SEC14L6: variants seen among roughly 807,000 people sequenced by gnomAD.
SEC14L6 encodes SEC14 like lipid binding 6, also known as SEC14-like protein 6.
In SEC14L6, 40 loss-of-function variants were observed where a neutral mutation model predicts 54.1. The observed-to-expected ratio is 0.74, with a 90% CI of 0.57 to 0.96. The LOEUF (loss-of-function observed/expected upper bound fraction) is 0.96. SEC14L6 is among the 40% of genes least tolerant of loss of function. The pLI is 0.00. For synonymous variants in SEC14L6, 171 were observed against 198.4 expected (o/e 0.86, Z 1.16); for missense variants, 471 against 498.3 (o/e 0.95, Z 0.52).
At chr22:30,535,692 C>G (rs1384856637) in intron 2 of SEC14L6, among the ~76,000 whole-genome samples, 1 of 152,076 alleles carries the variant, frequency 6.6e-6, no homozygotes. Flanking sequence ...ACCCTGTTGG[C>G]TACTATGTCA....
At chr22:30,544,930 A>T (rs1568977536) in intron 1 of SEC14L6, among the ~76,000 whole-genome samples, 1 of 152,078 alleles carries the variant, frequency 6.6e-6, no homozygotes, top group Non-Finnish European at 1.5e-5. Context: ...AACAACAACA[A>T]CGTGAAAAAA....
chr22:30,545,892 A>G (rs746222044), intron 1 of SEC14L6, among the ~76,000 whole-genome samples: 10 of 151,944 alleles, frequency 6.6e-5, no homozygotes, highest in Non-Finnish European at 1.0e-4. Context: ...GTGCAGTGGC[A>G]GAATCTTGGC....
chr22:30,545,457 C>T (rs982618958), intron 1 of SEC14L6, among the ~76,000 whole-genome samples: 4 of 150,844 alleles, frequency 2.7e-5, no homozygotes, highest in African/African-American at 4.9e-5. Context: ...TGCAGTGGCA[C>T]GATGTTGGCT....
rs142928873 is a variant in SEC14L6 at position 30,543,395 on chromosome 22, C to T, written c.54+3234G>A. On this transcript the variant is annotated intron_variant, in intron 1 of 11. Coordinates refer to ENST00000402034, the MANE Select transcript of SEC14L6 (RefSeq NM_001193336.4). The stretch of plus-strand genomic sequence containing the variant: ...CAGGTGAATATCACCTGCCAGGTGA[C>T]GAAATTCTACCCCCAGAGACTACAG... 1.7e-4 allele frequency: 277 copies of T among 1,597,390 alleles called. 2 individuals carry two copies. The African/African-American group carries it at 2.4e-3, about 14-fold the overall frequency.
Position 30,525,489 on chromosome 22 carries a change from A to C in SEC14L6, c.942T>G (p.Ile314Met). ...TGGTCTTCAGGAAAACCCCAAAGCC[A>C]ATGTCCCCACCATCTGAAGCAAACT... ...RWQFASDGGD[I>M]GFGVFLKTKM... The change falls in exon 11 of 12, where the codon ATT becomes ATG. Residue 314 changes from isoleucine (I) to methionine (M), a missense_variant. Transcript: ENST00000402034. 6.2e-7 allele frequency: 1 copy of C among 1,613,978 alleles called. No individual in the cohort carries two copies. Among genetic ancestry groups the C allele is most frequent in the Non-Finnish European group, 8.5e-7 (1 of 1,179,970 alleles).
chr22:30,532,964 T>C, intron 3 of SEC14L6, 108 bp from the exon 4 acceptor site: 1 of 1,523,078 alleles, frequency 6.6e-7, no homozygotes, highest in South Asian at 1.3e-5. Flanking sequence ...ACTAAGGGCC[T>C]GCCAGAGCAT....
chr22:30,530,520 C>T (rs762530250), intron 6 of SEC14L6, among the ~76,000 whole-genome samples: 2 of 152,192 alleles, frequency 1.3e-5, no homozygotes, highest in Non-Finnish European at 2.9e-5. Flanking sequence ...CCCACCTTAG[C>T]CTCCCAAGTA....
At chr22:30,544,953 C>A (rs1047907332) in intron 1 of SEC14L6, among the ~76,000 whole-genome samples, 1 of 152,144 alleles carries the variant, frequency 6.6e-6, no homozygotes, top group African/African-American at 2.4e-5. Flanking sequence ...AAAGTCCACT[C>A]CAGCGCCCGG....
In SEC14L6 at chr22:30,524,134, T is replaced by TTACCCTGCC; in HGVS notation, c.*854_*862dup. The stretch of plus-strand genomic sequence containing the variant: ...TCAAACTAGCAAATCTCAAGCCTGC[T>TTACCCTGCC]TACCCTGCCTCACCAGTTCCTTCCT... On this transcript the variant is annotated 3_prime_UTR_variant, in exon 12 of 12. Transcript: ENST00000402034. The TTACCCTGCC allele has an allele frequency of 6.6e-6, 1 of 152,324 alleles. No homozygotes were observed. The highest frequency in any genetic ancestry group is 2.4e-5 in the African/African-American group (1 of 41,556). The allele number at this position is 152,324 out of a possible 1,614,324, so 9.4% of individuals were successfully genotyped here.
At chr22:30,526,166 C>A (rs532493512) in intron 8 of SEC14L6, among the ~76,000 whole-genome samples, 1 of 152,326 alleles carries the variant, frequency 6.6e-6, no homozygotes, top group Non-Finnish European at 1.5e-5. Flanking sequence ...GCCTGCCCCT[C>A]TCTTACTGCC....
At chr22:30,543,480 G>A in intron 1 of SEC14L6, 2 of 1,612,590 alleles carry the variant, frequency 1.2e-6, no homozygotes, top group Non-Finnish European at 1.7e-6. Context: ...CTCTTACAGA[G>A]AACAAGGATG....
chr22:30,539,549 GCA>G (rs1222979863), intron 1 of SEC14L6, among the ~76,000 whole-genome samples: 1 of 152,226 alleles, frequency 6.6e-6, no homozygotes, highest in Non-Finnish European at 1.5e-5. Context: ...AGGATAAAGT[GCA>G]CAGAGTCTGA....
At chr22:30,544,564 GA>G (rs371190563) in intron 1 of SEC14L6, among the ~76,000 whole-genome samples, 1 of 151,976 alleles carries the variant, frequency 6.6e-6, no homozygotes, top group Non-Finnish European at 1.5e-5. Flanking sequence ...GGAAAAGCTG[GA>G]AAAAAACTCT....
intron 8 of SEC14L6, among the ~76,000 whole-genome samples, chr22:30,527,810 C>T (rs1936826702): frequency 6.9e-6 from 1 of 145,840 alleles, no homozygotes; most frequent in South Asian, 2.2e-4. Flanking sequence ...ATGGAAAAAA[C>T]TGTGGATGTG....
intron 1 of SEC14L6, among the ~76,000 whole-genome samples, chr22:30,544,463 C>G (rs5753201): frequency 0.74 from 111,947 of 151,804 alleles, 41,612 homozygotes; most frequent in African/African-American, 0.82. Context: ...GAAAATCCCA[C>G]CTCCCCTGAC....
At chr22:30,532,105 C>T in intron 5 of SEC14L6, 107 bp from the exon 6 acceptor site, 1 of 1,466,344 alleles carries the variant, frequency 6.8e-7, no homozygotes, top group South Asian at 1.4e-5. Flanking sequence ...TGTCTCAGCT[C>T]TGCATGGCAC....
In SEC14L6 at chr22:30,525,056, A is replaced by G. The variant is rs1048037981; in HGVS notation, c.1135T>C (p.Tyr379His). ...TCTGGGAGCAGTACCTCCACGGTGTAGCTGATGCGTTTAGAATGAACCAGG... is the reference window on the plus strand; with the variant it reads ...TCTGGGAGCAGTACCTCCACGGTGTGGCTGATGCGTTTAGAATGAACCAGG... Reference protein sequence around the residue: ...YSLVHSKRISYTVEVLLPDQT... With the variant: ...YSLVHSKRISHTVEVLLPDQT... The change falls in exon 12 of 12, where the codon TAC (tyrosine) becomes CAC (histidine). Residue 379 changes from tyrosine (Y) to histidine (H), a missense_variant. Transcript: ENST00000402034. The G allele has an allele frequency of 1.9e-6, 3 of 1,550,248 alleles. No homozygotes were observed. Among genetic ancestry groups the G allele is most frequent in the Non-Finnish European group, 2.6e-6 (3 of 1,146,692 alleles).
chr22:30,544,223 T>C (rs2085774806), intron 1 of SEC14L6: 6 of 590,950 alleles, frequency 1.0e-5, no homozygotes, highest in Admixed American at 3.0e-5. Context: ...AGGGTGGCTC[T>C]TCTCTCCCCA....
intron 1 of SEC14L6, among the ~76,000 whole-genome samples, chr22:30,545,810 T>G (rs1235262223): frequency 2.0e-5 from 3 of 150,958 alleles, no homozygotes; most frequent in African/African-American, 7.4e-5. Context: ...AGGTTTTTTT[T>G]GTTTTGTTTT....
Sources: gnomAD v4.1 joint callset for allele counts (sites outside exome capture counted in the v4.1 genomes callset) on GRCh38, gnomAD v4.1.1 for gene constraint, MANE v1.5 for transcripts, NCBI Gene and HGNC (gene_info 2026-07-23, HGNC 2026-07-21) for gene names.